PSME4: variants seen among roughly 807,000 people sequenced by gnomAD.
The protein encoded by PSME4 is proteasome activator complex subunit 4.
Under a neutral mutation model 253.9 loss-of-function variants are expected in PSME4, and 89 were observed. The ratio of observed to expected loss-of-function variants is 0.35; its 90% CI spans 0.30 to 0.42. PSME4 has a LOEUF of 0.42. Ranked by LOEUF, PSME4 falls within the 10% of genes least tolerant of loss-of-function variation. The pLI is 1.00. For synonymous variants in PSME4, 851 were observed against 759.2 expected, an observed-to-expected ratio of 1.12 and a Z score of -1.99; for missense variants, 2,014 against 2,195.2, an observed-to-expected ratio of 0.92 and a Z score of 1.65.
intron 6 of PSME4, 31 bp downstream of exon 6, chr2:53,936,732 AG>A: frequency 2.8e-6 from 4 of 1,447,548 alleles, no homozygotes; most frequent in Admixed American, 4.9e-5. Flanking sequence ...AAAAAACTAT[AG>A]GGGGGAAGAA....
rs1049107861 is a variant in PSME4 at position 53,970,424 on chromosome 2, G to C, written c.242+119C>G. On this transcript the variant is annotated intron_variant, in intron 1 of 46. Coordinates refer to ENST00000404125, the MANE Select transcript of PSME4 (RefSeq NM_014614.3). ...TCACGACCCTGGGATCACCGCTCGG[G>C]GACAGCTCCAGCGAGGACAGAGCTA... 9 of 1,478,054 alleles carry C rather than the reference G, an allele frequency of 6.1e-6. No homozygotes were observed. The African/African-American group carries it at 1.3e-4, about 21-fold the overall frequency. The allele number at this position is 1,478,054 out of a possible 1,614,324, so 91.6% of individuals were successfully genotyped here. A position where few individuals can be genotyped will look rare whatever the true frequency, so the allele number is the denominator to read the frequency against.
At chr2:53,887,226 T>G (rs756253325) in intron 40 of PSME4, 33 bp downstream of exon 40, 1 of 1,552,610 alleles carries the variant, frequency 6.4e-7, no homozygotes, top group Non-Finnish European at 8.9e-7. Flanking sequence ...ATAGATGTTT[T>G]CAACTGAGTT....
At position 53,869,535 on chromosome 2, in the gene PSME4, G is replaced by A; in HGVS notation, c.5104C>T (p.Arg1702Ter). 1 of 1,510,220 alleles carries A rather than the reference G, an allele frequency of 6.6e-7. No individual in the cohort carries two copies. Among genetic ancestry groups the A allele is most frequent in the Non-Finnish European group, 9.0e-7 (1 of 1,110,762 alleles). 93.6% of individuals were successfully genotyped at this position (1,510,220 alleles called of 1,614,324 possible). The change falls in exon 44 of 47, where the codon CGA becomes TGA. Residue 1702 changes from arginine (R) to a stop codon, truncating the protein, a stop_gained. Coordinates refer to ENST00000404125, the MANE Select transcript of PSME4 (RefSeq NM_014614.3). LOFTEE classifies it high-confidence loss of function. ...SLLEDEQLEVREMAATTLSGL... is the reference protein window; with the variant it reads ...SLLEDEQLEV ...CTTAAGGTAGTAGCAGCCATTTCTC[G>A]AACCTGTAGATATAATAATTTCTAT...
chr2:53,960,709 C>T (rs805339), intron 1 of PSME4, among the ~76,000 whole-genome samples: 151,061 of 152,354 alleles, frequency 0.99, 74,892 homozygotes, highest in East Asian at 1. Context: ...GACTGATAAA[C>T]GTACATGAAA....
In PSME4 at chr2:53,920,198, C is replaced by T. The variant is rs1573290446; in HGVS notation, c.2415G>A (p.Met805Ile). The change falls in exon 19 of 47, where the codon ATG (methionine) becomes ATA (isoleucine). Residue 805 changes from methionine (M) to isoleucine (I), a missense_variant. Transcript: ENST00000404125. ...LQHCGDGKLE[M>I]SRDDILQSLT... The stretch of plus-strand genomic sequence containing the variant: ...AATTATAAAATAAAACCAACCTAGA[C>T]ATTTCAAGTTTTCCATCCCCACAAT... The T allele has an allele frequency of 6.2e-7, 1 of 1,606,372 alleles. No homozygotes were observed.
intron 36 of PSME4, 55 bp downstream of exon 36, chr2:53,892,753 A>C: frequency 1.3e-6 from 2 of 1,536,442 alleles, no homozygotes; most frequent in East Asian, 4.5e-5. Flanking sequence ...ATTGCCACCA[A>C]AATGGGTAAC....
intron 46 of PSME4, 25 bp downstream of exon 46, chr2:53,866,060 T>C (rs774917597): frequency 1.3e-6 from 2 of 1,581,996 alleles, no homozygotes; most frequent in Non-Finnish European, 1.7e-6. Context: ...CAAACCAATG[T>C]AAATTCAGAA....
chr2:53,908,429 G>C lies in PSME4; in HGVS notation c.2686-11C>G, dbSNP rs1228345894. On this transcript the variant is annotated splice_polypyrimidine_tract_variant and intron_variant, in intron 23 of 46. Coordinates refer to ENST00000404125, the MANE Select transcript of PSME4 (RefSeq NM_014614.3). ...AAGGTCTCCAATAATCTGTGTCAAAGAATTTCAAATTGTATTTGCAAGTCA... is the reference window on the plus strand; with the variant it reads ...AAGGTCTCCAATAATCTGTGTCAAACAATTTCAAATTGTATTTGCAAGTCA... 9.3e-6 allele frequency: 15 copies of C among 1,612,410 alleles called. No homozygotes were observed. Among genetic ancestry groups the C allele is most frequent in the South Asian group, 2.2e-5 (2 of 90,816 alleles).
In PSME4 at chr2:53,920,301, A is replaced by C. The variant is rs758094368; in HGVS notation, c.2312T>G (p.Val771Gly). 3 of 1,613,750 alleles carry C rather than the reference A, an allele frequency of 1.9e-6. No individual in the cohort carries two copies. The highest frequency in any genetic ancestry group is 2.5e-6 in the Non-Finnish European group (3 of 1,179,846). Residue 771 changes from valine to glycine, a missense_variant, in exon 19 of 47, where the codon GTT becomes GGT. Coordinates refer to ENST00000404125, the MANE Select transcript of PSME4 (RefSeq NM_014614.3). ...DLWNLGIQWH[V>G]PSSEEVSFAF... is the part of the protein sequence containing the mutation. ...AAAAGACACTTCTTCTGAAGAAGGAACATGCCACTGGATTCCCAGATTCCA... is the reference window on the plus strand; with the variant it reads ...AAAAGACACTTCTTCTGAAGAAGGACCATGCCACTGGATTCCCAGATTCCA...
chr2:53,903,323 C>T lies in PSME4; in HGVS notation c.3075+702G>A, dbSNP rs192714817. 5.3e-5 allele frequency among the ~76,000 whole-genome samples: 8 copies of T among 152,228 alleles called. No homozygotes were observed. In the East Asian group the frequency reaches 7.7e-4, roughly 15 times the overall value. ...CTGATGTGCCCAGCAACTAGTTGTA[C>T]GATCCAAAAGCTTAGTAACTTTGAC... On this transcript the variant is annotated intron_variant, in intron 27 of 46. Coordinates refer to ENST00000404125, the MANE Select transcript of PSME4 (RefSeq NM_014614.3).
At chr2:53,910,008 T>A in intron 21 of PSME4, 67 bp downstream of exon 21, 1 of 1,257,930 alleles carries the variant, frequency 7.9e-7, no homozygotes, top group East Asian at 2.3e-5. Flanking sequence ...CATACTTCAT[T>A]TTAGTCCTTG....
At chr2:53,947,000 A>C in intron 3 of PSME4, among the ~76,000 whole-genome samples, 1 of 152,226 alleles carries the variant, frequency 6.6e-6, no homozygotes, top group East Asian at 1.9e-4. Flanking sequence ...TGCACAATGC[A>C]CTATTCTATT....
intron 10 of PSME4, 86 bp downstream of exon 10, chr2:53,931,749 A>G (rs1440581489): frequency 7.0e-7 from 1 of 1,426,024 alleles, no homozygotes; most frequent in East Asian, 2.3e-5. Flanking sequence ...GAAGCAAAAC[A>G]GAAGCCACAG....
Position 53,928,260 on chromosome 2 carries a change from T to C in PSME4, c.1360A>G (p.Thr454Ala), listed in dbSNP as rs1668661684. 1 of 1,613,806 alleles carries C rather than the reference T, an allele frequency of 6.2e-7. No homozygotes were observed. Among genetic ancestry groups the C allele is most frequent in the African/African-American group, 1.3e-5 (1 of 74,932 alleles). ...CCAATTACACAACTTAAAGTAGCTG[T>C]GAGCTGGTGAGGTTCTGTTAATGTC... ...LETLTEPHQL[T>A]ATLSCVIGVA... is the part of the protein sequence containing the mutation. The change falls in exon 11 of 47, where the codon ACA becomes GCA. Residue 454 changes from threonine to alanine, a missense_variant. Coordinates refer to ENST00000404125, the MANE Select transcript of PSME4 (RefSeq NM_014614.3).
Position 53,896,956 on chromosome 2 carries a change from A to C in PSME4, c.3607-71T>G, listed in dbSNP as rs1680166506. ...ACTTAACTGGTTGTCTGCTTTACTC[A>C]AAGCAGAAATAGGATTCTGTTTCTT... is the stretch of plus-strand genomic sequence containing the variant. On this transcript the variant is annotated intron_variant, in intron 31 of 46. Transcript: ENST00000404125. 20 of 1,146,220 alleles carry C rather than the reference A, an allele frequency of 1.7e-5. No homozygotes were observed. In the South Asian group the frequency reaches 2.5e-4, roughly 14 times the overall value. 71.0% of individuals were successfully genotyped at this position (1,146,220 alleles called of 1,614,324 possible). A position where few individuals can be genotyped will look rare whatever the true frequency, so the allele number is the denominator to read the frequency against.
intron 18 of PSME4, among the ~76,000 whole-genome samples, chr2:53,920,679 C>T (rs1000955112): frequency 2.6e-5 from 4 of 152,048 alleles, no homozygotes; most frequent in Admixed American, 2.0e-4. Flanking sequence ...GGAATATATA[C>T]GAAGTTGTTT....
In PSME4 at chr2:53,896,693, G is replaced by A. The variant is rs571509674; in HGVS notation, c.3688+111C>T. On this transcript the variant is annotated intron_variant, in intron 32 of 46. Coordinates refer to ENST00000404125, the MANE Select transcript of PSME4 (RefSeq NM_014614.3). The stretch of plus-strand genomic sequence containing the variant: ...CTTCATAATATTATTTATATTTTGT[G>A]TTAATATCCATAGAACAATATTTGA... 5.1e-5 allele frequency: 39 copies of A among 764,420 alleles called. No homozygotes were observed. The African/African-American group carries it at 6.3e-4, about 12-fold the overall frequency. The allele number at this position is 764,420 out of a possible 1,614,324, so 47.4% of individuals were successfully genotyped here.
intron 44 of PSME4, among the ~76,000 whole-genome samples, chr2:53,868,811 A>C (rs781196347): frequency 6.6e-5 from 10 of 151,672 alleles, no homozygotes; most frequent in Non-Finnish European, 1.0e-4. Flanking sequence ...ATTACAGTTA[A>C]CATGGCAAGA....
chr2:53,898,236 T>A lies in PSME4; in HGVS notation c.3476+65A>T. ...TGACATAGTCATTCATAGCCTTCCA[T>A]GTAGAAAACTCCTATAGTATTTATG... is the stretch of plus-strand genomic sequence containing the variant. On this transcript the variant is annotated intron_variant, in intron 30 of 46. Transcript: ENST00000404125. The A allele has an allele frequency of 2.8e-6, 4 of 1,419,476 alleles. No homozygotes were observed. In the East Asian group the frequency reaches 6.9e-5, roughly 25 times the overall value. The allele number at this position is 1,419,476 out of a possible 1,614,324, so 87.9% of individuals were successfully genotyped here. A position where few individuals can be genotyped will look rare whatever the true frequency, so the allele number is the denominator to read the frequency against.
Sources: gnomAD v4.1 joint callset for allele counts (sites outside exome capture counted in the v4.1 genomes callset) on GRCh38, gnomAD v4.1.1 for gene constraint, MANE v1.5 for transcripts, NCBI Gene and HGNC (gene_info 2026-07-23, HGNC 2026-07-21) for gene names.